The following CD33 variants were observed in gnomAD, a reference collection of about 807,000 sequenced individuals.
The protein encoded by CD33 is myeloid cell surface antigen CD33.
A neutral mutation model predicts 31.4 loss-of-function variants in CD33; 25 were observed. The ratio of observed to expected loss-of-function variants is 0.80; its 90% confidence interval spans 0.58 to 1.11. The LOEUF is 1.11. Among genes scored for constraint, CD33 ranks in the 50% most tolerant of loss-of-function variants. CD33 has a pLI of 0.00. For missense variants in CD33, 407 were observed against 448.1 expected (o/e 0.91, Z 0.83); for synonymous variants, 176 against 180.6 (o/e 0.97, Z 0.20).
Position 51,225,599 on chromosome 19 carries a change from G to A in CD33, c.418+1G>A, listed in dbSNP as rs776926823. On this transcript the variant is annotated splice_donor_variant, in intron 2 of 6. Transcript: ENST00000262262. LOFTEE classifies it high-confidence loss of function. ...CCCCAGCTCTCTGTGCATGTGACAG[G>A]TGAGGCACAGGCTTCAGAAGTGGCC... 1 of 1,551,562 alleles carries A rather than the reference G, an allele frequency of 6.4e-7. No homozygotes were observed. Among genetic ancestry groups the A allele is most frequent in the Non-Finnish European group, 8.7e-7 (1 of 1,148,850 alleles).
At chr19:51,211,300 T>G in the CD33 span, 3 of 1,566,726 alleles carry the variant, frequency 1.9e-6, no homozygotes, top group Middle Eastern at 3.4e-4. Flanking sequence ...CTGCACTTTC[T>G]CCCATCCCAT....
chr19:51,224,548 G>A (rs1980850019), upstream of CD33, among the ~76,000 whole-genome samples: 1 of 152,196 alleles, frequency 6.6e-6, no homozygotes, highest in African/African-American at 2.4e-5. Flanking sequence ...TCTCCGAGAT[G>A]ACGGTGCTCC....
chr19:51,234,474 G>C (rs1219043754), intron 4 of CD33, among the ~76,000 whole-genome samples: 1 of 152,102 alleles, frequency 6.6e-6, no homozygotes, highest in East Asian at 1.9e-4. Flanking sequence ...CCTGGCCTCT[G>C]TCCAAAGACC....
At position 51,231,601 on chromosome 19, in the gene CD33, A is replaced by ATTTTTT. The variant is rs35977870; in HGVS notation, c.746-3555_746-3554insTTTTTT. 3.7e-5 allele frequency among the ~76,000 whole-genome samples: 5 copies of ATTTTTT among 133,894 alleles called. 1 individual carries two copies. Among genetic ancestry groups the ATTTTTT allele is most frequent in the Admixed American group, 7.1e-5 (1 of 14,054 alleles). The allele number at this position is 133,894 out of a possible 152,430, so 87.8% of individuals were successfully genotyped here. ...TATTGTTTCTTTTTGTGGTTGGCTG[A>ATTTTTT]TGTTTTTTTTTTTTTTGTAGTGATA... is the stretch of plus-strand genomic sequence containing the variant. On this transcript the variant is annotated intron_variant, in intron 4 of 6. Coordinates refer to ENST00000262262, the MANE Select transcript of CD33 (RefSeq NM_001772.4).
chr19:51,211,222 G>C, the CD33 span: 17 of 1,570,438 alleles, frequency 1.1e-5, no homozygotes, highest in Non-Finnish European at 1.5e-5. Flanking sequence ...CCTGGCTATG[G>C]ATCCAAAAAT....
chr19:51,236,153 G>T, intron 6 of CD33: 1 of 360,210 alleles, frequency 2.8e-6, no homozygotes, highest in Non-Finnish European at 5.3e-6. Context: ...GAGAGACTCT[G>T]TCCCAAAAAG....
the CD33 span, chr19:51,211,706 G>A: frequency 2.1e-4 from 175 of 838,714 alleles, 1 homozygote; most frequent in African/African-American, 2.5e-3. Context: ...CAGACTCAGG[G>A]GAGGACCCGG....
At chr19:51,235,052 A>G in intron 4 of CD33, 105 bp from the exon 5 acceptor site, 2 of 843,200 alleles carry the variant, frequency 2.4e-6, no homozygotes, top group Non-Finnish European at 3.9e-6. Flanking sequence ...TAGGAGCTAA[A>G]CCCCATTTTG....
At chr19:51,211,581 T>C in the CD33 span, 3 of 1,506,264 alleles carry the variant, frequency 2.0e-6, no homozygotes, top group Non-Finnish European at 8.9e-7. Flanking sequence ...TCTCTGTGCA[T>C]GTGACAGGTG....
the CD33 span, among the ~76,000 whole-genome samples, chr19:51,215,164 C>T: frequency 2.6e-5 from 4 of 152,206 alleles, no homozygotes; most frequent in African/African-American, 9.6e-5. Flanking sequence ...GGGCAGGAGA[C>T]ATGATGCTGA....
the CD33 span, chr19:51,211,709 G>A: frequency 9.7e-6 from 8 of 827,660 alleles, no homozygotes; most frequent in South Asian, 1.6e-5. Context: ...ACTCAGGGGA[G>A]GACCCGGACC....
chr19:51,231,601 A>ATT lies in CD33; in HGVS notation c.746-3555_746-3554insTT, dbSNP rs35977870. ...TATTGTTTCTTTTTGTGGTTGGCTG[A>ATT]TGTTTTTTTTTTTTTTGTAGTGATA... On this transcript the variant is annotated intron_variant, in intron 4 of 6. Coordinates refer to ENST00000262262, the MANE Select transcript of CD33 (RefSeq NM_001772.4). Among the ~76,000 whole-genome samples the ATT allele has an allele frequency of 1.7e-3, 224 of 133,930 alleles. 3 individuals carry two copies. Among genetic ancestry groups the ATT allele is most frequent in the Middle Eastern group, 0.011 (3 of 262 alleles). 87.9% of individuals were successfully genotyped at this position (133,930 alleles called of 152,430 possible).
At chr19:51,231,322 C>T (rs560841296) in intron 4 of CD33, among the ~76,000 whole-genome samples, 36 of 152,366 alleles carry the variant, frequency 2.4e-4, no homozygotes, top group African/African-American at 8.2e-4. Flanking sequence ...CCTGGACTCA[C>T]TTTATGTACT....
the CD33 span, among the ~76,000 whole-genome samples, chr19:51,215,338 A>C: frequency 2.4e-4 from 36 of 152,290 alleles, no homozygotes; most frequent in South Asian, 5.0e-3. Context: ...TTCTGTTCTC[A>C]TAAAGAAGAT....
intron 4 of CD33, among the ~76,000 whole-genome samples, chr19:51,232,024 T>C (rs1981462962): frequency 6.6e-6 from 1 of 152,188 alleles, no homozygotes; most frequent in Non-Finnish European, 1.5e-5. Flanking sequence ...CACCTCCCAA[T>C]GTGCTGGGAT....
chr19:51,231,844 G>A (rs1467723251), intron 4 of CD33, among the ~76,000 whole-genome samples: 3 of 151,638 alleles, frequency 2.0e-5, no homozygotes, highest in Non-Finnish European at 4.4e-5. Context: ...CTATAGTCTC[G>A]ACCTCCTGGG....
At chr19:51,223,455 C>T (rs1980786536), upstream of CD33, among the ~76,000 whole-genome samples, 1 of 152,118 alleles carries the variant, frequency 6.6e-6, no homozygotes, top group Admixed American at 6.5e-5. Context: ...CAACGGTTTG[C>T]TGGATGCATA....
chr19:51,220,942 A>G (rs113721179), upstream of CD33, among the ~76,000 whole-genome samples: 876 of 152,318 alleles, frequency 5.8e-3, 13 homozygotes, highest in African/African-American at 0.02. Context: ...GAATATAGGT[A>G]TCTGATGAAT....
chr19:51,216,342 C>G, the CD33 span, among the ~76,000 whole-genome samples: 1 of 151,774 alleles, frequency 6.6e-6, no homozygotes, highest in East Asian at 1.9e-4. Flanking sequence ...ATACTGAACA[C>G]CTACTATGTG....
Sources: gnomAD v4.1 joint callset for allele counts (sites outside exome capture counted in the v4.1 genomes callset) on GRCh38, gnomAD v4.1.1 for gene constraint, MANE v1.5 for transcripts, NCBI Gene and HGNC (gene_info 2026-07-23, HGNC 2026-07-21) for gene names.